MAP3K5: variants seen among roughly 807,000 people sequenced by gnomAD.
The protein encoded by MAP3K5 is mitogen-activated protein kinase kinase kinase 5, also known as ASK-1.
A neutral mutation model predicts 158.7 loss-of-function variants in MAP3K5; 56 were observed. That is an observed-to-expected ratio of 0.35 (90% confidence interval 0.28 to 0.44). The LOEUF (loss-of-function observed/expected upper bound fraction) is 0.44, where lower values mean the gene tolerates loss of function less well. Among genes scored for constraint, MAP3K5 ranks in the 20% least tolerant of loss-of-function variants. The pLI, the probability that MAP3K5 is intolerant of heterozygous loss-of-function variation, is 1.00. For missense variants in MAP3K5, 1,294 were observed against 1,674.8 expected (o/e 0.77, Z 3.97); for synonymous variants, 579 against 601.7 (o/e 0.96, Z 0.55).
chr6:136,628,102 T>C (rs1350242399), intron 14 of MAP3K5, among the ~76,000 whole-genome samples: 1 of 152,080 alleles, frequency 6.6e-6, no homozygotes, highest in African/African-American at 2.4e-5. Context: ...ATTTTTCCAA[T>C]AGATATATTT....
intron 11 of MAP3K5, among the ~76,000 whole-genome samples, chr6:136,645,434 C>T (rs751744951): frequency 3.3e-5 from 5 of 152,108 alleles, no homozygotes; most frequent in Non-Finnish European, 5.9e-5. Context: ...GGAGAGTCAG[C>T]ACTTAGTCCT....
intron 7 of MAP3K5, among the ~76,000 whole-genome samples, chr6:136,687,555 A>G (rs1054818329): frequency 6.6e-6 from 1 of 152,212 alleles, no homozygotes; most frequent in African/African-American, 2.4e-5. Context: ...CAGAATCTAC[A>G]AGGAACTTAA....
At chr6:136,626,970 A>ATAAGT (rs1413417013) in intron 14 of MAP3K5, among the ~76,000 whole-genome samples, 2 of 152,238 alleles carry the variant, frequency 1.3e-5, no homozygotes, top group Non-Finnish European at 2.9e-5. Flanking sequence ...TGCATTAGGG[A>ATAAGT]AACCCTATCA....
Position 136,669,395 on chromosome 6 carries a change from C to T in MAP3K5, c.1254G>A (p.Trp418Ter), listed in dbSNP as rs1370727705. Reference protein sequence around the residue: ...DTESRDHGASWFKKAFESEPT... With the variant: ...DTESRDHGAS ...GCTCAGATTCAAATGCCTTTTTGAA[C>T]CTATAAAAAACCACAAATGTACAAG... The change falls in exon 8 of 30, where the codon TGG (tryptophan) becomes TGA (stop). Residue 418 changes from tryptophan (W) to a stop codon, truncating the protein, a stop_gained and splice_region_variant. Coordinates refer to ENST00000359015, the MANE Select transcript of MAP3K5 (RefSeq NM_005923.4). LOFTEE classifies it high-confidence loss of function. 1 of 1,576,722 alleles carries T rather than the reference C, an allele frequency of 6.3e-7. No homozygotes were observed. Among genetic ancestry groups the T allele is most frequent in the South Asian group, 1.1e-5 (1 of 89,622 alleles).
intron 7 of MAP3K5, among the ~76,000 whole-genome samples, chr6:136,690,325 T>TA (rs924201058): frequency 6.6e-6 from 1 of 152,198 alleles, no homozygotes; most frequent in African/African-American, 2.4e-5. Flanking sequence ...AGTTTTTTTT[T>TA]ATGTTAAAAC....
intron 1 of MAP3K5, among the ~76,000 whole-genome samples, chr6:136,768,383 C>T (rs911269026): frequency 3.9e-5 from 6 of 152,162 alleles, no homozygotes; most frequent in South Asian, 4.2e-4. Flanking sequence ...TAAAAATAAG[C>T]AAAGAATCTG....
At chr6:136,718,943 A>C (rs1781639573) in intron 2 of MAP3K5, among the ~76,000 whole-genome samples, 1 of 152,208 alleles carries the variant, frequency 6.6e-6, no homozygotes, top group Non-Finnish European at 1.5e-5. Context: ...TGGGAGGCCA[A>C]GGTGGGAGAA....
intron 7 of MAP3K5, among the ~76,000 whole-genome samples, chr6:136,684,797 G>A (rs1366830748): frequency 6.6e-6 from 1 of 152,150 alleles, no homozygotes; most frequent in Non-Finnish European, 1.5e-5. Context: ...TGAGAAAAAT[G>A]CCACAGCCTT....
chr6:136,672,298 C>T (rs936976865), intron 7 of MAP3K5, among the ~76,000 whole-genome samples: 4 of 151,718 alleles, frequency 2.6e-5, no homozygotes, highest in Admixed American at 2.6e-4. Flanking sequence ...ATGGAAGCAA[C>T]AAAAAAAATC....
intron 21 of MAP3K5, chr6:136,593,843 C>T (rs1775505004): frequency 5.9e-6 from 2 of 339,258 alleles, no homozygotes; most frequent in Admixed American, 3.8e-5. Context: ...TCCACTGTTG[C>T]CTGGAATCTC....
intron 25 of MAP3K5, 44 bp from the exon 26 acceptor site, chr6:136,567,918 C>CA (rs1316611182): frequency 6.3e-7 from 1 of 1,586,872 alleles, no homozygotes; most frequent in Non-Finnish European, 8.6e-7. Flanking sequence ...AAATATGACT[C>CA]ATTGCCTTAA....
At chr6:136,686,239 G>C (rs1780141222) in intron 7 of MAP3K5, among the ~76,000 whole-genome samples, 1 of 152,002 alleles carries the variant, frequency 6.6e-6, no homozygotes, top group African/African-American at 2.4e-5. Flanking sequence ...AGAAGTCTTT[G>C]AGCTCATAAA....
intron 1 of MAP3K5, among the ~76,000 whole-genome samples, chr6:136,738,150 G>A (rs550998972): frequency 6.6e-6 from 1 of 152,122 alleles, no homozygotes; most frequent in Non-Finnish European, 1.5e-5. Flanking sequence ...CATTTTTTGG[G>A]AACACTTTTC....
chr6:136,767,271 G>C (rs1363474380), intron 1 of MAP3K5, among the ~76,000 whole-genome samples: 2 of 151,922 alleles, frequency 1.3e-5, no homozygotes, highest in Admixed American at 1.3e-4. Context: ...AAGAGGGAAG[G>C]AAGACAACAT....
intron 21 of MAP3K5, 103 bp downstream of exon 21, chr6:136,600,919 T>C (rs1481609987): frequency 2.5e-6 from 3 of 1,220,060 alleles, no homozygotes; most frequent in African/African-American, 3.0e-5. Flanking sequence ...TTTCCCCCCA[T>C]GTAAGCCAGG....
chr6:136,722,714 T>G (rs1203605002), intron 1 of MAP3K5, among the ~76,000 whole-genome samples: 3 of 150,728 alleles, frequency 2.0e-5, no homozygotes, highest in Admixed American at 6.6e-5. Context: ...GTTCTCAGTT[T>G]GTTGCCCATA....
At chr6:136,762,790 C>T (rs1164751653) in intron 1 of MAP3K5, among the ~76,000 whole-genome samples, 1 of 152,092 alleles carries the variant, frequency 6.6e-6, no homozygotes, top group African/African-American at 2.4e-5. Context: ...TGGGGAAAGT[C>T]CTCTCCCCCT....
intron 24 of MAP3K5, among the ~76,000 whole-genome samples, chr6:136,582,149 C>T (rs1329143457): frequency 6.6e-6 from 1 of 152,138 alleles, no homozygotes; most frequent in Non-Finnish European, 1.5e-5. Context: ...ACCTGCTCCT[C>T]TCAGCTCTTT....
chr6:136,680,212 A>G (rs2114587825), intron 7 of MAP3K5, among the ~76,000 whole-genome samples: 1 of 152,338 alleles, frequency 6.6e-6, no homozygotes, highest in African/African-American at 2.4e-5. Flanking sequence ...TCTAACAGAT[A>G]CAGACTTTTA....
Sources: gnomAD v4.1 joint callset for allele counts (sites outside exome capture counted in the v4.1 genomes callset) on GRCh38, gnomAD v4.1.1 for gene constraint, MANE v1.5 for transcripts, NCBI Gene and HGNC (gene_info 2026-07-23, HGNC 2026-07-21) for gene names.